Variants in GYG2 observed in about 807,000 individuals in gnomAD.
The protein encoded by GYG2 is glycogenin 2.
In GYG2, 29 loss-of-function variants were observed where a neutral mutation model predicts 29.4. That is an observed-to-expected ratio of 0.99 (90% CI 0.74 to 1.35). The LOEUF is 1.35. Among genes scored for constraint, GYG2 ranks in the 40% most tolerant of loss-of-function variants. The pLI, the probability that GYG2 is intolerant of heterozygous loss-of-function variation, is 0.00. For synonymous variants in GYG2, 167 were observed against 172.3 expected (o/e 0.97, Z 0.24); for missense variants, 370 against 385.7 (o/e 0.96, Z 0.34).
At chrX:2,846,036 C>T (rs867474505) in intron 3 of GYG2, among the ~76,000 whole-genome samples, 2 of 33,054 alleles carry the variant, frequency 6.1e-5, no homozygotes, top group African/African-American at 1.1e-4. Context: ...TATATATACA[C>T]ATATATATAT....
At position 2,861,727 on chromosome X, in the gene GYG2, G is replaced by A. The variant is rs1391143803; in HGVS notation, c.1038+5G>A. On this transcript the variant is annotated splice_donor_5th_base_variant and intron_variant, in intron 8 of 10. Coordinates refer to ENST00000398806, the MANE Select transcript of GYG2 (RefSeq NM_001079855.2). ...GAAGGACGCCGTTCAGAAGATGTAAGTACCTGCATTCCTCACAGGTGTGAT... is the reference window on the plus strand; with the variant it reads ...GAAGGACGCCGTTCAGAAGATGTAAATACCTGCATTCCTCACAGGTGTGAT... 2 of 1,141,793 alleles carry A rather than the reference G, an allele frequency of 1.8e-6. No individual in the cohort carries two copies. The highest frequency in any genetic ancestry group is 1.8e-5 in the African/African-American group (1 of 55,754). 94.1% of individuals were successfully genotyped at this position (1,141,793 alleles called of 1,213,427 possible). A position where few individuals can be genotyped will look rare whatever the true frequency, so the allele number is the denominator to read the frequency against.
intron 8 of GYG2, among the ~76,000 whole-genome samples, chrX:2,874,209 G>A (rs2088542197): frequency 8.9e-6 from 1 of 112,794 alleles, no homozygotes; most frequent in African/African-American, 3.2e-5. Context: ...TAAAGTTTCA[G>A]TAAATCTCAC....
rs1199682413 is a variant in GYG2, at chrX:2,861,580, C to T, written c.896C>T (p.Pro299Leu). ...GATTCAGCCTCTGGTGTTGGAGAGC[C>T]GTGTGAAAATTCAACACCCAGTGCG... ...CADSASGVGE[P>L]CENSTPSAGV... Residue 299 changes from proline (P) to leucine (L), a missense_variant, in exon 8 of 11, where the codon CCG becomes CTG. Transcript: ENST00000398806. 6 of 1,208,625 alleles carry T rather than the reference C, an allele frequency of 5.0e-6. No homozygotes were observed. The highest frequency in any genetic ancestry group is 3.0e-5 in the East Asian group (1 of 33,770).
At chrX:2,877,466 CTT>C (rs1197133812) in intron 10 of GYG2, 159 bp downstream of exon 10, 1 of 1,081,457 alleles carries the variant, frequency 9.2e-7, no homozygotes, top group Non-Finnish European at 1.2e-6. Flanking sequence ...ATTCTTCTGT[CTT>C]CTCTCTGGCA....
At chrX:2,859,107 A>T (rs2088092263) in intron 6 of GYG2, among the ~76,000 whole-genome samples, 1 of 112,066 alleles carries the variant, frequency 8.9e-6, no homozygotes, top group South Asian at 3.7e-4. Context: ...ATATATCTTT[A>T]TGCAAAATAA....
chrX:2,837,941 C>T (rs753671356), intron 2 of GYG2, among the ~76,000 whole-genome samples: 8 of 109,354 alleles, frequency 7.3e-5, no homozygotes, highest in South Asian at 4.0e-4. Context: ...TGCAGTGGCA[C>T]AATTATATCT....
chrX:2,875,909 A>G lies in GYG2; in HGVS notation c.1138A>G (p.Ile380Val). The G allele has an allele frequency of 3.7e-6, 4 of 1,086,013 alleles. No individual in the cohort carries two copies. Among genetic ancestry groups the G allele is most frequent in the Non-Finnish European group, 5.1e-6 (4 of 783,252 alleles). The allele number at this position is 1,086,013 out of a possible 1,213,427, so 89.5% of individuals were successfully genotyped here. A position where few individuals can be genotyped will look rare whatever the true frequency, so the allele number is the denominator to read the frequency against. ...TGCAGACTTCACAGAGACTGAAACC[A>G]TCTTGGTATTCCTCATCTATATGAC... is the stretch of plus-strand genomic sequence containing the variant. Reference protein sequence around the residue: ...QPADFTETETILQPANKVESV... With the variant: ...QPADFTETETVLQPANKVESV... Residue 380 changes from isoleucine to valine, a missense_variant, in exon 9 of 11, where the codon ATC (isoleucine) becomes GTC (valine). Physicochemically the swap from Ile to Val is conservative, Grantham distance 29. Coordinates refer to ENST00000398806, the MANE Select transcript of GYG2 (RefSeq NM_001079855.2).
chrX:2,882,695 G>A lies in GYG2; in HGVS notation c.*1482G>A, dbSNP rs1006180397. 1 of 110,464 alleles carries A rather than the reference G, an allele frequency of 9.1e-6. No individual in the cohort carries two copies. The highest frequency in any genetic ancestry group is 3.3e-5 in the African/African-American group (1 of 30,273). The allele number at this position is 110,464 out of a possible 1,213,427, so 9.1% of individuals were successfully genotyped here. The stretch of plus-strand genomic sequence containing the variant: ...AGCTTCTCTGAGGACCAGAATTCAT[G>A]TTCACGGGCAGTGATGAGTTGGCTT... On this transcript the variant is annotated 3_prime_UTR_variant, in exon 11 of 11. Coordinates refer to ENST00000398806, the MANE Select transcript of GYG2 (RefSeq NM_001079855.2).
rs1257171278 is a variant in GYG2, at chrX:2,830,074, C to G, written c.-115C>G. 3.2e-5 allele frequency: 23 copies of G among 725,190 alleles called. No individual in the cohort carries two copies. The highest frequency in any genetic ancestry group is 4.0e-5 in the Non-Finnish European group (19 of 474,407). 59.8% of individuals were successfully genotyped at this position (725,190 alleles called of 1,213,427 possible). ...TGTCGCCCCCAGGCCTGGAAATCCA[C>G]GCGGATTCCCGGAGACGGCGCCTCT... On this transcript the variant is annotated 5_prime_UTR_variant, in exon 2 of 11. Coordinates refer to ENST00000398806, the MANE Select transcript of GYG2 (RefSeq NM_001079855.2).
chrX:2,868,343 G>T (rs2088352818), intron 8 of GYG2, among the ~76,000 whole-genome samples: 1 of 106,821 alleles, frequency 9.4e-6, no homozygotes, highest in Admixed American at 1.0e-4. Context: ...CCCTGTCTCT[G>T]CTAGAAATAC....
At chrX:2,867,472 G>A in intron 8 of GYG2, among the ~76,000 whole-genome samples, 1 of 111,412 alleles carries the variant, frequency 9.0e-6, no homozygotes, top group Non-Finnish European at 1.9e-5. Context: ...CCTGCAAGCG[G>A]CCCCAGGCAC....
intron 3 of GYG2, among the ~76,000 whole-genome samples, chrX:2,849,553 T>C (rs2087821707): frequency 8.9e-6 from 1 of 111,910 alleles, no homozygotes; most frequent in Non-Finnish European, 1.9e-5. Context: ...AGCTCAAATG[T>C]AGACACCAAG....
chrX:2,833,400 C>T (rs1483510464), intron 2 of GYG2, among the ~76,000 whole-genome samples: 14 of 110,887 alleles, frequency 1.3e-4, no homozygotes, highest in Non-Finnish European at 2.1e-4. Context: ...TCATCCTAGG[C>T]GTTTCAGGAT....
At chrX:2,836,498 C>T (rs146329585) in intron 2 of GYG2, among the ~76,000 whole-genome samples, 1,236 of 108,172 alleles carry the variant, frequency 0.011, 22 homozygotes, top group African/African-American at 0.039. Context: ...GCAAGAGACC[C>T]CATCTCTACA....
At chrX:2,876,481 A>C (rs2088602528) in intron 9 of GYG2, among the ~76,000 whole-genome samples, 1 of 111,296 alleles carries the variant, frequency 9.0e-6, no homozygotes, top group African/African-American at 3.3e-5. Context: ...TGGTATAAAC[A>C]AGTCAAATCT....
intron 6 of GYG2, among the ~76,000 whole-genome samples, chrX:2,859,035 A>C (rs1448238433): frequency 9.0e-6 from 1 of 111,637 alleles, no homozygotes; most frequent in African/African-American, 3.3e-5. Context: ...ATGTCAATGG[A>C]TTACGATTAT....
intron 2 of GYG2, among the ~76,000 whole-genome samples, chrX:2,840,091 A>T (rs191282555): frequency 8.9e-6 from 1 of 112,570 alleles, no homozygotes; most frequent in Admixed American, 9.4e-5. Flanking sequence ...GTGAAGCTCT[A>T]AGCAGGTCGT....
intron 6 of GYG2, among the ~76,000 whole-genome samples, chrX:2,857,416 C>A (rs12849476): frequency 9.3e-5 from 6 of 64,669 alleles, no homozygotes; most frequent in African/African-American, 1.6e-4. Context: ...ATATCTATAT[C>A]TATCTATCTA....
intron 8 of GYG2, among the ~76,000 whole-genome samples, chrX:2,873,795 A>G (rs1443659718): frequency 9.0e-6 from 1 of 111,330 alleles, no homozygotes; most frequent in Admixed American, 9.7e-5. Flanking sequence ...GAGTTATTTA[A>G]AGTGCACTTT....
Sources: allele counts gnomAD v4.1 joint callset (sites outside exome capture counted in the v4.1 genomes callset), GRCh38; gene constraint gnomAD v4.1.1; transcripts MANE v1.5; gene names NCBI Gene and HGNC (gene_info 2026-07-23, HGNC 2026-07-21).